Variants in TLE4 observed in about 807,000 individuals in gnomAD.
TLE4 encodes the protein transducin-like enhancer protein 4.
A neutral mutation model predicts 92.8 loss-of-function variants in TLE4; 8 were observed. The ratio of observed to expected loss-of-function variants is 0.09; its 90% CI spans 0.05 to 0.16. TLE4 has a LOEUF of 0.16. TLE4 is among the 10% of genes least tolerant of loss of function. TLE4 has a pLI of 1.00. For missense variants in TLE4, 675 were observed against 997.6 expected (o/e 0.68, Z 4.36); for synonymous variants, 371 against 374.1 (o/e 0.99, Z 0.10).
intron 8 of TLE4, among the ~76,000 whole-genome samples, chr9:79,685,215 A>T (rs2065588724): frequency 6.6e-6 from 1 of 152,208 alleles, no homozygotes; most frequent in Admixed American, 6.5e-5. Flanking sequence ...AAACCCATAT[A>T]AGAAGCATTG....
chr9:79,645,202 A>G, intron 6 of TLE4, among the ~76,000 whole-genome samples: 1 of 152,164 alleles, frequency 6.6e-6, no homozygotes, highest in East Asian at 1.9e-4. Context: ...TTTCTGGCAC[A>G]AGATATAGCA....
rs1181042092 is a variant in TLE4 at position 79,722,953 on chromosome 9, C to A, written c.2138-6C>A. The A allele has an allele frequency of 1.9e-6, 3 of 1,613,840 alleles. No homozygotes were observed. The highest frequency in any genetic ancestry group is 2.5e-6 in the Non-Finnish European group (3 of 1,179,902). ...CATTGCCTTTTTCAAAACCCTTTAC[C>A]TATAGGCAAATGGTTTGTAAGCACT... On this transcript the variant is annotated splice_region_variant and splice_polypyrimidine_tract_variant and intron_variant, in intron 18 of 19. Transcript: ENST00000376552.
chr9:79,601,178 G>A (rs934057859), intron 4 of TLE4, among the ~76,000 whole-genome samples: 2 of 152,104 alleles, frequency 1.3e-5, no homozygotes, highest in African/African-American at 2.4e-5. Context: ...TCACCCATCA[G>A]GAATTGTCCA....
chr9:79,693,003 T>C (rs1328799971), intron 8 of TLE4, among the ~76,000 whole-genome samples: 2 of 152,170 alleles, frequency 1.3e-5, no homozygotes, highest in African/African-American at 2.4e-5. Flanking sequence ...TTGATAAATG[T>C]TGGAGCTGAG....
At chr9:79,666,764 C>T (rs1404979683) in intron 8 of TLE4, among the ~76,000 whole-genome samples, 1 of 152,160 alleles carries the variant, frequency 6.6e-6, no homozygotes, top group Non-Finnish European at 1.5e-5. Context: ...TTCTTAGACA[C>T]ACAACATTAC....
intron 4 of TLE4, among the ~76,000 whole-genome samples, chr9:79,582,562 T>C (rs574402744): frequency 1.3e-5 from 2 of 152,204 alleles, no homozygotes; most frequent in Admixed American, 1.3e-4. Context: ...TGTTATAAGA[T>C]AGGTAGAGGA....
At chr9:79,596,334 A>G (rs2044010037) in intron 4 of TLE4, among the ~76,000 whole-genome samples, 1 of 152,162 alleles carries the variant, frequency 6.6e-6, no homozygotes, top group Admixed American at 6.5e-5. Flanking sequence ...CATCTAGGGC[A>G]AGTATCTGTT....
intron 8 of TLE4, among the ~76,000 whole-genome samples, chr9:79,680,048 C>T (rs371061927): frequency 9.2e-5 from 14 of 152,166 alleles, no homozygotes; most frequent in African/African-American, 1.9e-4. Context: ...AGTCAGGTAG[C>T]GTGATGCCTC....
chr9:79,626,549 AG>A (rs1287846354), intron 5 of TLE4, among the ~76,000 whole-genome samples: 1 of 152,174 alleles, frequency 6.6e-6, no homozygotes, highest in Non-Finnish European at 1.5e-5. Context: ...TAATATTTGG[AG>A]GGGGTAATTC....
intron 5 of TLE4, among the ~76,000 whole-genome samples, 160 bp downstream of exon 5, chr9:79,612,878 T>G (rs2048678808): frequency 6.6e-6 from 1 of 152,184 alleles, no homozygotes. Context: ...CTTGTATACC[T>G]TAGTAACTTT....
chr9:79,682,010 C>CTGTTATTGTTAAGA (rs2064801543), intron 8 of TLE4, among the ~76,000 whole-genome samples: 1 of 151,746 alleles, frequency 6.6e-6, no homozygotes. Flanking sequence ...CTCATGTAAC[C>CTGTTATTGTTAAGA]TGTTATTGTT....
At chr9:79,595,951 A>G (rs1340669425) in intron 4 of TLE4, among the ~76,000 whole-genome samples, 1 of 148,732 alleles carries the variant, frequency 6.7e-6, no homozygotes, top group Non-Finnish European at 1.5e-5. Flanking sequence ...GGTTCACACC[A>G]TTCTCCTGCT....
chr9:79,647,160 G>A (rs2058227906), intron 6 of TLE4, among the ~76,000 whole-genome samples: 1 of 152,152 alleles, frequency 6.6e-6, no homozygotes, highest in South Asian at 2.1e-4. Context: ...TTGGTGAATA[G>A]CAATGAACTG....
intron 4 of TLE4, among the ~76,000 whole-genome samples, chr9:79,582,635 G>A (rs2039975680): frequency 7.2e-6 from 1 of 139,124 alleles, no homozygotes; most frequent in Admixed American, 7.2e-5. Context: ...TGTTTTTAAT[G>A]TGGCTTTTTT....
At chr9:79,614,554 T>C (rs1017425019) in intron 5 of TLE4, among the ~76,000 whole-genome samples, 7 of 152,158 alleles carry the variant, frequency 4.6e-5, no homozygotes, top group African/African-American at 1.7e-4. Flanking sequence ...CATGGGGAGA[T>C]ACTGACAACT....
At position 79,621,583 on chromosome 9, in the gene TLE4, G is replaced by C. The variant is rs900167016; in HGVS notation, c.316-5791G>C. Among the ~76,000 whole-genome samples the C allele has an allele frequency of 3.3e-5, 5 of 152,284 alleles. No individual in the cohort carries two copies. In the East Asian group the frequency reaches 9.7e-4, roughly 29 times the overall value. ...GCCTTTCACAGGAGGTGATCAAGGA[G>C]AGACTGGTTAGGGTGTGACAGAGGA... On this transcript the variant is annotated intron_variant, in intron 5 of 19. Transcript: ENST00000376552.
Position 79,607,708 on chromosome 9 carries a change from A to C in TLE4, c.253-4948A>C, listed in dbSNP as rs531822685. Among the ~76,000 whole-genome samples the C allele has an allele frequency of 4.6e-5, 7 of 152,124 alleles. No individual in the cohort carries two copies. The East Asian group carries it at 1.4e-3, about 29-fold the overall frequency. On this transcript the variant is annotated intron_variant, in intron 4 of 19. Transcript: ENST00000376552. The stretch of plus-strand genomic sequence containing the variant: ...TTATAGGTGTGTGGTGTTATTTCTG[A>C]GGCCTCTGTGCTGTTCCATTGGTCT...
At chr9:79,628,610 C>T (rs1398387578) in intron 6 of TLE4, among the ~76,000 whole-genome samples, 1 of 151,694 alleles carries the variant, frequency 6.6e-6, no homozygotes, top group African/African-American at 2.4e-5. Flanking sequence ...CAAAAAAAAC[C>T]TGGTAGGAAA....
intron 4 of TLE4, among the ~76,000 whole-genome samples, chr9:79,583,562 A>G (rs1159762357): frequency 6.6e-6 from 1 of 152,172 alleles, no homozygotes; most frequent in Non-Finnish European, 1.5e-5. Context: ...ACCTAGGCAA[A>G]GTGAGAGGTT....
Sources: allele counts gnomAD v4.1 joint callset (sites outside exome capture counted in the v4.1 genomes callset), GRCh38; gene constraint gnomAD v4.1.1; transcripts MANE v1.5; gene names NCBI Gene and HGNC (gene_info 2026-07-23, HGNC 2026-07-21).